MROH2B: variants seen among roughly 807,000 people sequenced by gnomAD.
MROH2B encodes the protein maestro heat like repeat family member 2B, also known as maestro heat-like repeat-containing protein family member 2B.
Under a neutral mutation model 208.6 loss-of-function variants are expected in MROH2B, and 177 were observed. The observed-to-expected ratio is 0.85, with a 90% confidence interval of 0.75 to 0.96. The LOEUF (loss-of-function observed/expected upper bound fraction) is 0.96. Among genes scored for constraint, MROH2B ranks in the 40% least tolerant of loss-of-function variants. The pLI, the probability that MROH2B is intolerant of heterozygous loss-of-function variation, is 0.00. For synonymous variants in MROH2B, 728 were observed against 659.0 expected (o/e 1.10, Z -1.60); for missense variants, 2,002 against 1,878.7 (o/e 1.07, Z -1.21).
chr5:41,061,660 G>A lies in MROH2B; in HGVS notation c.525C>T (p.Pro175=), dbSNP rs1205168032. 1 of 1,613,946 alleles carries A rather than the reference G, an allele frequency of 6.2e-7. No individual in the cohort carries two copies. The highest frequency in any genetic ancestry group is 1.7e-5 in the Admixed American group (1 of 60,018). ...YVNHWRDFPY[P]RLDANRLSDK... ...CAGACAGTCGGTTGGCATCCAGTCT[G>A]GGGTAGGGAAAATCTCTCCAGTGGT... Residue 175 remains proline (P), a synonymous_variant, in exon 6 of 42, where the codon CCC becomes CCT. Transcript: ENST00000399564.
chr5:41,071,106 G>T lies in MROH2B; in HGVS notation c.-254C>A. The T allele has an allele frequency of 4.6e-6, 2 of 434,964 alleles. No homozygotes were observed. The highest frequency in any genetic ancestry group is 4.1e-5 in the South Asian group (1 of 24,172). The allele number at this position is 434,964 out of a possible 1,614,324, so 26.9% of individuals were successfully genotyped here. ...TGAACTCCTGCTAACCAACAAAATG[G>T]CTGCATCTCACCAAATATTGTCCCT... On this transcript the variant is annotated 5_prime_UTR_variant, in exon 1 of 42. Coordinates refer to ENST00000399564, the MANE Select transcript of MROH2B (RefSeq NM_173489.5).
At chr5:41,032,270 C>T (rs1456722025) in intron 24 of MROH2B, among the ~76,000 whole-genome samples, 3 of 152,138 alleles carry the variant, frequency 2.0e-5, no homozygotes, top group Admixed American at 1.3e-4. Context: ...TTCTGATTGG[C>T]ATGAGATGCT....
intron 17 of MROH2B, among the ~76,000 whole-genome samples, chr5:41,047,491 C>T (rs949476581): frequency 2.0e-5 from 3 of 152,114 alleles, no homozygotes; most frequent in African/African-American, 7.2e-5. Flanking sequence ...TAAGTAAAAT[C>T]TTCAAAACTG....
At position 41,041,259 on chromosome 5, in the gene MROH2B, T is replaced by C. The variant is rs116994590; in HGVS notation, c.1953+833A>G. Among the ~76,000 whole-genome samples the C allele has an allele frequency of 1.4e-3, 219 of 152,300 alleles. 2 individuals carry two copies. The East Asian group carries it at 0.028, about 19-fold the overall frequency. On this transcript the variant is annotated intron_variant, in intron 19 of 41. Transcript: ENST00000399564. ...TTTCTGAGGAGAAAATATAACACACTATACTTTTTTTATACTGGTGGTCTT... is the reference window on the plus strand; with the variant it reads ...TTTCTGAGGAGAAAATATAACACACCATACTTTTTTTATACTGGTGGTCTT...
At chr5:41,036,170 G>A (rs1375054737) in intron 21 of MROH2B, among the ~76,000 whole-genome samples, 1 of 151,504 alleles carries the variant, frequency 6.6e-6, no homozygotes. Flanking sequence ...TTTATACATA[G>A]ATATGGTTTG....
intron 18 of MROH2B, among the ~76,000 whole-genome samples, chr5:41,042,903 C>A (rs1431614283): frequency 6.6e-6 from 1 of 152,192 alleles, no homozygotes; most frequent in East Asian, 1.9e-4. Flanking sequence ...CCATGCCCAA[C>A]CCATTATTTT....
intron 24 of MROH2B, among the ~76,000 whole-genome samples, chr5:41,031,341 T>A (rs1373082359): frequency 2.6e-5 from 4 of 151,974 alleles, no homozygotes; most frequent in Non-Finnish European, 5.9e-5. Flanking sequence ...GAGAACAGCA[T>A]GGAGGAAACC....
intron 24 of MROH2B, among the ~76,000 whole-genome samples, chr5:41,020,702 C>G (rs1022079540): frequency 2.0e-5 from 3 of 151,866 alleles, no homozygotes; most frequent in Non-Finnish European, 4.4e-5. Context: ...TTAAAACAGG[C>G]AACAATTATG....
intron 20 of MROH2B, among the ~76,000 whole-genome samples, 162 bp from the exon 21 acceptor site, chr5:41,039,050 A>G (rs1338978234): frequency 6.6e-6 from 1 of 152,112 alleles, no homozygotes; most frequent in African/African-American, 2.4e-5. Flanking sequence ...TTTAAATGTA[A>G]ACAGCCAGGA....
intron 24 of MROH2B, among the ~76,000 whole-genome samples, chr5:41,022,555 C>T (rs1049233084): frequency 1.3e-5 from 2 of 152,310 alleles, no homozygotes; most frequent in Non-Finnish European, 2.9e-5. Context: ...GACCGAGAAG[C>T]TCGAACTTGG....
rs765742102 is a variant in MROH2B, at chr5:41,004,463, A to C, written c.4077T>G (p.Thr1359=). The part of the protein sequence containing the change: ...IIRGLYHLAR[T]EVVCESLKAL... ...CCTTCAAGCTTTCACAGACGACTTCAGTGCGAGCTAGGTGATACAGGCCTC... is the reference window on the plus strand; with the variant it reads ...CCTTCAAGCTTTCACAGACGACTTCCGTGCGAGCTAGGTGATACAGGCCTC... The change falls in exon 37 of 42, where the codon ACT becomes ACG. Residue 1359 remains threonine, a synonymous_variant. Coordinates refer to ENST00000399564, the MANE Select transcript of MROH2B (RefSeq NM_173489.5). 8.7e-6 allele frequency: 14 copies of C among 1,614,028 alleles called. No homozygotes were observed. Among genetic ancestry groups the C allele is most frequent in the Non-Finnish European group, 1.2e-5 (14 of 1,179,878 alleles).
At chr5:41,031,282 C>G (rs1244484805) in intron 24 of MROH2B, among the ~76,000 whole-genome samples, 1 of 152,044 alleles carries the variant, frequency 6.6e-6, no homozygotes. Flanking sequence ...GAGGAACAGC[C>G]AAACACTTAT....
intron 33 of MROH2B, among the ~76,000 whole-genome samples, chr5:41,008,382 TAG>T (rs1741661232): frequency 1.3e-5 from 2 of 152,184 alleles, no homozygotes; most frequent in Admixed American, 1.3e-4. Flanking sequence ...AAAGAAAGCA[TAG>T]CCCCTTATTC....
chr5:41,022,273 A>T (rs1198881019), intron 24 of MROH2B, among the ~76,000 whole-genome samples: 1 of 152,196 alleles, frequency 6.6e-6, no homozygotes, highest in Non-Finnish European at 1.5e-5. Flanking sequence ...TGGGAAGCAC[A>T]AGGGGTCAGA....
At chr5:41,005,065 C>G (rs775320055) in intron 35 of MROH2B, 145 bp from the exon 36 acceptor site, 369 of 1,138,240 alleles carry the variant, frequency 3.2e-4, no homozygotes, top group Non-Finnish European at 3.9e-4. Context: ...AACCAGCAAG[C>G]CTTGCTGAAG....
Position 41,017,838 on chromosome 5 carries a change from T to C in MROH2B, c.2884+12A>G. The C allele has an allele frequency of 6.4e-7, 1 of 1,574,158 alleles. No individual in the cohort carries two copies. The highest frequency in any genetic ancestry group is 8.6e-7 in the Non-Finnish European group (1 of 1,162,990). Reference sequence around the variant, plus strand: ...CTTTTCTTCATTTGTGGGTTCCCCATCTTTCCCTCACCTTTTATATAGAAC... The same window carrying C: ...CTTTTCTTCATTTGTGGGTTCCCCACCTTTCCCTCACCTTTTATATAGAAC... On this transcript the variant is annotated intron_variant, in intron 28 of 41. Coordinates refer to ENST00000399564, the MANE Select transcript of MROH2B (RefSeq NM_173489.5).
chr5:41,012,903 AT>A (rs1400938431), intron 29 of MROH2B, among the ~76,000 whole-genome samples, 168 bp from the exon 30 acceptor site: 2 of 152,254 alleles, frequency 1.3e-5, no homozygotes, highest in African/African-American at 4.8e-5. Flanking sequence ...GGGCATAGAC[AT>A]GACCTTTTAT....
chr5:41,008,875 T>C, intron 32 of MROH2B, 82 bp from the exon 33 acceptor site: 1 of 1,365,690 alleles, frequency 7.3e-7, no homozygotes, highest in South Asian at 1.4e-5. Context: ...TTCAACTTTG[T>C]TTTCTCCACC....
intron 24 of MROH2B, among the ~76,000 whole-genome samples, chr5:41,019,330 T>C (rs1561282624): frequency 1.5e-5 from 1 of 66,536 alleles, no homozygotes; most frequent in Non-Finnish European, 3.1e-5. Flanking sequence ...TTTCTCCATC[T>C]TGTGTGTGTG....
Sources: allele counts gnomAD v4.1 joint callset (sites outside exome capture counted in the v4.1 genomes callset), GRCh38; gene constraint gnomAD v4.1.1; transcripts MANE v1.5; gene names NCBI Gene and HGNC (gene_info 2026-07-23, HGNC 2026-07-21).